ENOX2: variants seen among roughly 807,000 people sequenced by gnomAD.
ENOX2 encodes ecto-NOX disulfide-thiol exchanger 2.
Under a neutral mutation model 45.0 loss-of-function variants are expected in ENOX2, and 36 were observed. The observed-to-expected ratio is 0.80, with a 90% CI of 0.61 to 1.06. ENOX2 has a LOEUF of 1.06. ENOX2 is among the 50% of genes least tolerant of loss of function. ENOX2 has a pLI of 0.00. For synonymous variants in ENOX2, 174 were observed against 152.3 expected, an observed-to-expected ratio of 1.14 and a Z score of -1.05; for missense variants, 423 against 462.5, an observed-to-expected ratio of 0.91 and a Z score of 0.78.
chrX:130,784,586 C>CT (rs1038640682), intron 2 of ENOX2, among the ~76,000 whole-genome samples: 2,953 of 92,180 alleles, frequency 0.032, 132 homozygotes, highest in African/African-American at 0.086. Flanking sequence ...ATAGCTCACT[C>CT]TTTTTTTTTT....
At chrX:130,886,314 A>T (rs2078901495) in intron 2 of ENOX2, among the ~76,000 whole-genome samples, 1 of 112,901 alleles carries the variant, frequency 8.9e-6, no homozygotes, top group Admixed American at 9.4e-5. Context: ...TAAGAATAAT[A>T]AAGCAACAAT....
chrX:130,652,210 C>T lies in ENOX2; in HGVS notation c.1129+4371G>A, dbSNP rs2036421643. On this transcript the variant is annotated intron_variant, in intron 10 of 14. Transcript: ENST00000394363. ...TTGTAACATCTGTTAATGTCAATGA[C>T]TACTTACTTCTATAAAAACTTTTCT... Among the ~76,000 whole-genome samples, 2 of 111,952 alleles carry T rather than the reference C, an allele frequency of 1.8e-5. 1 individual carries two copies. The highest frequency in any genetic ancestry group is 1.9e-4 in the Admixed American group (2 of 10,570).
chrX:130,623,249 A>C lies in ENOX2; in HGVS notation c.*2065T>G, dbSNP rs2035464090. Reference sequence around the variant, plus strand: ...TATACTAAACTGGCAGGAGTAACAGAAACAGACAATCTGCAATGTAAGTTG... The same window carrying C: ...TATACTAAACTGGCAGGAGTAACAGCAACAGACAATCTGCAATGTAAGTTG... On this transcript the variant is annotated 3_prime_UTR_variant, in exon 15 of 15. Transcript: ENST00000394363. 1 of 111,996 alleles carries C rather than the reference A, an allele frequency of 8.9e-6. No homozygotes were observed. Among genetic ancestry groups the C allele is most frequent in the Non-Finnish European group, 1.9e-5 (1 of 53,242 alleles). 9.2% of individuals were successfully genotyped at this position (111,996 alleles called of 1,213,427 possible). A position where few individuals can be genotyped will look rare whatever the true frequency, so the allele number is the denominator to read the frequency against.
intron 2 of ENOX2, among the ~76,000 whole-genome samples, chrX:130,866,571 T>C (rs1329365026): frequency 8.9e-6 from 1 of 111,944 alleles, no homozygotes; most frequent in East Asian, 2.8e-4. Flanking sequence ...ACTAGAACTC[T>C]GCTCATGCTG....
At chrX:130,634,196 T>C (rs2035865827) in intron 12 of ENOX2, among the ~76,000 whole-genome samples, 1 of 111,978 alleles carries the variant, frequency 8.9e-6, no homozygotes, top group Non-Finnish European at 1.9e-5. Context: ...TGACCCTCGG[T>C]CCAAGCTCCT....
At chrX:130,736,083 G>A (rs1177540895) in intron 3 of ENOX2, among the ~76,000 whole-genome samples, 4 of 111,771 alleles carry the variant, frequency 3.6e-5, no homozygotes, top group African/African-American at 1.3e-4. Flanking sequence ...CTACGGGATG[G>A]CCAGGTGCAG....
intron 3 of ENOX2, among the ~76,000 whole-genome samples, chrX:130,776,749 T>C (rs1342454969): frequency 8.9e-6 from 1 of 111,942 alleles, no homozygotes; most frequent in Non-Finnish European, 1.9e-5. Flanking sequence ...CCTGCTTGAA[T>C]GGAGTGGCCT....
intron 3 of ENOX2, among the ~76,000 whole-genome samples, chrX:130,753,809 G>C (rs981452230): frequency 2.7e-5 from 3 of 111,318 alleles, no homozygotes; most frequent in Non-Finnish European, 5.7e-5. Context: ...GAATAGTGTT[G>C]CAATGAACAT....
intron 2 of ENOX2, among the ~76,000 whole-genome samples, chrX:130,833,011 TCACACACACACACACACA>T (rs10568834): frequency 4.8e-5 from 4 of 82,994 alleles, no homozygotes; most frequent in African/African-American, 8.7e-5. Context: ...TCATGTATAA[TCACACACACACACACACA>T]CACACACACA....
At chrX:130,679,007 C>T (rs1382957742) in intron 6 of ENOX2, among the ~76,000 whole-genome samples, 2 of 111,361 alleles carry the variant, frequency 1.8e-5, no homozygotes, top group South Asian at 3.8e-4. Flanking sequence ...AGAGACAGTT[C>T]TAGCATGGTA....
At chrX:130,775,469 C>A (rs2039835135) in intron 3 of ENOX2, among the ~76,000 whole-genome samples, 1 of 111,439 alleles carries the variant, frequency 9.0e-6, no homozygotes, top group African/African-American at 3.3e-5. Context: ...GTCTAAATGC[C>A]CTCCAACTCT....
intron 2 of ENOX2, among the ~76,000 whole-genome samples, chrX:130,817,519 A>G (rs1353553457): frequency 8.9e-6 from 1 of 112,239 alleles, no homozygotes; most frequent in African/African-American, 3.2e-5. Flanking sequence ...AAAATCCTCA[A>G]TAAAATACTG....
chrX:130,683,983 G>T (rs1173261245), intron 5 of ENOX2, among the ~76,000 whole-genome samples: 1 of 111,693 alleles, frequency 9.0e-6, no homozygotes, highest in Admixed American at 9.5e-5. Context: ...CCTTATCAGA[G>T]ATCTTATGGC....
chrX:130,878,690 A>T (rs1386023064), intron 2 of ENOX2, among the ~76,000 whole-genome samples: 1 of 111,905 alleles, frequency 8.9e-6, no homozygotes, highest in African/African-American at 3.3e-5. Flanking sequence ...GCATAGTCTT[A>T]CTACCAATTA....
At position 130,894,751 on chromosome X, in the gene ENOX2, C is replaced by T. The variant is rs143313046; in HGVS notation, c.-183+6933G>A. 7.4e-4 allele frequency among the ~76,000 whole-genome samples: 82 copies of T among 111,377 alleles called. 2 individuals are homozygous for T. The highest frequency in any genetic ancestry group is 2.5e-3 in the African/African-American group (78 of 30,636). ...CTGACTTACTTCACCCAACCAGCCA[C>T]AGGATACCTTTCCAGACTCTTATCC... On this transcript the variant is annotated intron_variant, in intron 2 of 14. Coordinates refer to ENST00000394363, the MANE Select transcript of ENOX2 (RefSeq NM_006375.4).
chrX:130,719,575 GCAAACCCCACAT>G (rs2038421954), intron 3 of ENOX2, among the ~76,000 whole-genome samples: 3 of 112,086 alleles, frequency 2.7e-5, no homozygotes, highest in Non-Finnish European at 5.6e-5. Flanking sequence ...GAACAAGCAG[GCAAACCCCACAT>G]GGCCTCTGAA....
chrX:130,836,562 GTTT>G (rs2077930861), intron 2 of ENOX2, among the ~76,000 whole-genome samples: 2 of 111,490 alleles, frequency 1.8e-5, no homozygotes, highest in African/African-American at 6.5e-5. Flanking sequence ...AAGCTTTTAT[GTTT>G]GTATTTCTCC....
intron 2 of ENOX2, among the ~76,000 whole-genome samples, chrX:130,860,996 G>A (rs1341370734): frequency 9.0e-6 from 1 of 111,644 alleles, no homozygotes; most frequent in South Asian, 3.7e-4. Flanking sequence ...TGACCAGGAG[G>A]TATGTGAAAA....
intron 9 of ENOX2, among the ~76,000 whole-genome samples, chrX:130,665,025 T>G (rs911105769): frequency 6.3e-5 from 7 of 111,718 alleles, no homozygotes; most frequent in African/African-American, 2.0e-4. Flanking sequence ...ATCAGTGAAA[T>G]CTCCCATCTC....
Sources: allele counts gnomAD v4.1 joint callset (sites outside exome capture counted in the v4.1 genomes callset), GRCh38; gene constraint gnomAD v4.1.1; transcripts MANE v1.5; gene names NCBI Gene and HGNC (gene_info 2026-07-23, HGNC 2026-07-21).